ZNF331: variants seen among roughly 807,000 people sequenced by gnomAD.
The protein encoded by ZNF331 is zinc finger protein 331.
A neutral mutation model predicts 7.0 loss-of-function variants in ZNF331; 2 were observed. The ratio of observed to expected loss-of-function variants is 0.29; its 90% CI spans 0.12 to 0.90. The LOEUF (loss-of-function observed/expected upper bound fraction) is 0.90, where lower values mean the gene tolerates loss of function less well. Among genes scored for constraint, ZNF331 ranks in the 40% least tolerant of loss-of-function variants. ZNF331 has a pLI of 0.58. For missense variants in ZNF331, 432 were observed against 587.7 expected (o/e 0.74, Z 2.74); for synonymous variants, 196 against 205.4 (o/e 0.95, Z 0.39).
At chr19:53,559,166 A>G (rs964105627) in intron 3 of ZNF331, among the ~76,000 whole-genome samples, 1 of 143,870 alleles carries the variant, frequency 7.0e-6, no homozygotes, top group Admixed American at 6.8e-5. Flanking sequence ...ACCTACATAT[A>G]TACACACCAT....
At chr19:53,531,265 TA>T (rs1431356794) in intron 2 of ZNF331, among the ~76,000 whole-genome samples, 1 of 152,210 alleles carries the variant, frequency 6.6e-6, no homozygotes, top group Non-Finnish European at 1.5e-5. Context: ...TCCTTGCCCC[TA>T]AATATTCTCA....
rs1480109879 is a variant in ZNF331 at position 53,579,564 on chromosome 19, G to A, written c.*1612G>A. On this transcript the variant is annotated 3_prime_UTR_variant, in exon 6 of 6. Coordinates refer to ENST00000449416, the MANE Select transcript of ZNF331 (RefSeq NM_001079906.2). ...ATTTTAATAAATAATAACTATTGTT[G>A]TTTTTATGATCATTACTACCATTTG... 3.5e-5 allele frequency: 7 copies of A among 202,216 alleles called. No homozygotes were observed. In the East Asian group the frequency reaches 5.4e-4, roughly 15 times the overall value. The allele number at this position is 202,216 out of a possible 1,614,324, so 12.5% of individuals were successfully genotyped here.
intron 3 of ZNF331, among the ~76,000 whole-genome samples, chr19:53,568,145 AG>A (rs2090253133): frequency 6.6e-6 from 1 of 151,068 alleles, no homozygotes; most frequent in South Asian, 2.1e-4. Flanking sequence ...GCTACTCAGG[AG>A]GCTGAGGAGA....
chr19:53,569,236 A>C, intron 3 of ZNF331, 68 bp from the exon 4 acceptor site: 1 of 786,400 alleles, frequency 1.3e-6, no homozygotes, highest in Non-Finnish European at 2.1e-6. Flanking sequence ...AGGAGCCAAA[A>C]GGTCATATTA....
At chr19:53,559,517 TAC>T (rs1344595643) in intron 3 of ZNF331, among the ~76,000 whole-genome samples, 2 of 147,644 alleles carry the variant, frequency 1.4e-5, no homozygotes, top group African/African-American at 5.1e-5. Context: ...CCTACATATA[TAC>T]ACACATATAC....
In ZNF331 at chr19:53,560,234, A is replaced by G. The variant is rs1486952701; in HGVS notation, c.-74+4326A>G. On this transcript the variant is annotated intron_variant, in intron 3 of 5. Coordinates refer to ENST00000449416, the MANE Select transcript of ZNF331 (RefSeq NM_001079906.2). This position sits in a 1 kb window ranked among gnomAD's most constrained non-coding sequence, Gnocchi z 4.3. ...TATATACACACATATATACACATCC[A>G]CACCATATATACACACACCATGCAC... Among the ~76,000 whole-genome samples the G allele has an allele frequency of 6.6e-6, 1 of 151,588 alleles. No homozygotes were observed. Among genetic ancestry groups the G allele is most frequent in the Middle Eastern group, 3.2e-3 (1 of 316 alleles).
chr19:53,579,251 C>T lies in ZNF331; in HGVS notation c.*1299C>T, dbSNP rs1040560146. ...AATGAATACATAAAGACTACCAGTACCATTCTGTCTTTACTCCGTGGCATC... is the reference window on the plus strand; with the variant it reads ...AATGAATACATAAAGACTACCAGTATCATTCTGTCTTTACTCCGTGGCATC... On this transcript the variant is annotated 3_prime_UTR_variant, in exon 6 of 6. Coordinates refer to ENST00000449416, the MANE Select transcript of ZNF331 (RefSeq NM_001079906.2). 5.6e-5 allele frequency: 12 copies of T among 213,742 alleles called. No individual in the cohort carries two copies. The highest frequency in any genetic ancestry group is 2.7e-4 in the African/African-American group (12 of 44,184). The allele number at this position is 213,742 out of a possible 1,614,324, so 13.2% of individuals were successfully genotyped here.
At chr19:53,510,002 A>T in the ZNF331 span, among the ~76,000 whole-genome samples, 1 of 152,224 alleles carries the variant, frequency 6.6e-6, no homozygotes, top group Non-Finnish European at 1.5e-5. Context: ...GCAGAACAGC[A>T]AGGGGGAAAT....
chr19:53,522,006 G>A (rs1259628225), exon 1 of ZNF331: 1 of 152,210 alleles, frequency 6.6e-6, no homozygotes, highest in East Asian at 1.9e-4. Flanking sequence ...TTTGGAGCCA[G>A]AAGTGCTCTC....
upstream of ZNF331, among the ~76,000 whole-genome samples, chr19:53,518,809 T>C (rs559059195): frequency 6.6e-6 from 1 of 152,218 alleles, no homozygotes; most frequent in Non-Finnish European, 1.5e-5. Context: ...CAAGAAGTCT[T>C]TGAGGCTTCA....
intron 2 of ZNF331, among the ~76,000 whole-genome samples, chr19:53,546,558 A>G (rs1042510192): frequency 1.3e-5 from 2 of 150,982 alleles, no homozygotes; most frequent in African/African-American, 2.4e-5. Flanking sequence ...AAAAAAAACA[A>G]CTCCCTCCTA....
At chr19:53,510,502 A>C in the ZNF331 span, among the ~76,000 whole-genome samples, 1 of 151,156 alleles carries the variant, frequency 6.6e-6, no homozygotes, top group African/African-American at 2.4e-5. Flanking sequence ...TGTTGTAAAG[A>C]ATCGATTTTG....
Position 53,560,207 on chromosome 19 carries a change from T to C in ZNF331, c.-74+4299T>C, listed in dbSNP as rs138051231. Among the ~76,000 whole-genome samples, 39 of 148,820 alleles carry C rather than the reference T, an allele frequency of 2.6e-4. No individual in the cohort carries two copies. The East Asian group carries it at 6.1e-3, about 23-fold the overall frequency. On this transcript the variant is annotated intron_variant, in intron 3 of 5. Coordinates refer to ENST00000449416, the MANE Select transcript of ZNF331 (RefSeq NM_001079906.2). This position sits in a 1 kb window ranked among gnomAD's most constrained non-coding sequence, Gnocchi z 4.3. ...TACACACACATATATACACACACCA[T>C]ATATATACACACATATATACACATC...
At chr19:53,542,813 C>T (rs1237044287) in intron 2 of ZNF331, among the ~76,000 whole-genome samples, 2 of 152,116 alleles carry the variant, frequency 1.3e-5, no homozygotes, top group East Asian at 3.9e-4. Flanking sequence ...AAGGAAGGCA[C>T]TTTTGTTTTT....
At chr19:53,536,895 C>T (rs2087776676), upstream of ZNF331, among the ~76,000 whole-genome samples, 1 of 152,162 alleles carries the variant, frequency 6.6e-6, no homozygotes, top group African/African-American at 2.4e-5. Flanking sequence ...AAGAGCGAAA[C>T]TCCGTCTCAA....
At chr19:53,503,702 T>G in the ZNF331 span, 1 of 702,590 alleles carries the variant, frequency 1.4e-6, no homozygotes, top group Non-Finnish European at 2.6e-6. Context: ...CCTGAGTGTC[T>G]CCCAGGCCAT....
Position 53,571,642 on chromosome 19 carries a change from T to C in ZNF331, c.48T>C (p.Ser16=), listed in dbSNP as rs1364997417. ...VTFADVAIDF[S]QEEWACLNSA... is the part of the protein sequence containing the mutation. ...TCGCCGACGTAGCCATAGACTTTTC[T>C]CAGGAGGAGTGGGCCTGTCTGAACT... Residue 16 remains serine (S), a synonymous_variant, in exon 5 of 6, where the codon TCT becomes TCC. Transcript: ENST00000449416. The surrounding 1 kb of genome is among the most constrained non-coding windows in gnomAD (Gnocchi z 4.7). 9.3e-6 allele frequency: 15 copies of C among 1,614,002 alleles called. No homozygotes were observed. Among genetic ancestry groups the C allele is most frequent in the Middle Eastern group, 1.6e-4 (1 of 6,084 alleles).
At chr19:53,574,604 G>A (rs1003251159) in intron 5 of ZNF331, among the ~76,000 whole-genome samples, 4 of 152,196 alleles carry the variant, frequency 2.6e-5, no homozygotes, top group Middle Eastern at 6.8e-3. Flanking sequence ...GGTTAGCCTC[G>A]CTTTAAGTGC....
chr19:53,552,861 T>A (rs2089101618), intron 2 of ZNF331, among the ~76,000 whole-genome samples: 1 of 152,190 alleles, frequency 6.6e-6, no homozygotes, highest in Admixed American at 6.5e-5. Context: ...TATTAGATAT[T>A]CTGATATTTA....
Sources: allele counts gnomAD v4.1 joint callset (sites outside exome capture counted in the v4.1 genomes callset), GRCh38; gene constraint gnomAD v4.1.1; non-coding constraint Gnocchi (gnomAD v3.1); transcripts MANE v1.5; gene names NCBI Gene and HGNC (gene_info 2026-07-23, HGNC 2026-07-21).